FAM227B: variants seen among roughly 807,000 people sequenced by gnomAD.
FAM227B encodes family with sequence similarity 227 member B, also known as protein FAM227B.
FAM227B carries 88 observed loss-of-function variants against 73.8 expected under a neutral mutation model. The ratio of observed to expected loss-of-function variants is 1.19; its 90% confidence interval spans 1.00 to 1.42. The LOEUF (loss-of-function observed/expected upper bound fraction) is 1.42, where lower values mean the gene tolerates loss of function less well. FAM227B is among the 40% of genes most tolerant of loss of function. The pLI, the probability that FAM227B is intolerant of heterozygous loss-of-function variation, is 0.00. For synonymous variants in FAM227B, 210 were observed against 190.5 expected, an observed-to-expected ratio of 1.10 and a Z score of -0.84; for missense variants, 632 against 590.9, an observed-to-expected ratio of 1.07 and a Z score of -0.72.
intron 11 of FAM227B, among the ~76,000 whole-genome samples, chr15:49,434,860 TTAATA>T: frequency 6.6e-6 from 1 of 151,578 alleles, no homozygotes; most frequent in African/African-American, 2.4e-5. Context: ...TAATAATTAA[TTAATA>T]AAAAAGAGAA....
At chr15:49,574,531 T>G (rs1311458490) in intron 8 of FAM227B, among the ~76,000 whole-genome samples, 2 of 152,144 alleles carry the variant, frequency 1.3e-5, no homozygotes, top group Non-Finnish European at 2.9e-5. Flanking sequence ...CCCTTTTGCC[T>G]TCCACCATGA....
chr15:49,457,998 T>A lies in FAM227B; in HGVS notation c.1012+50213A>T, dbSNP rs1480052513. On this transcript the variant is annotated intron_variant, in intron 11 of 15. Transcript: ENST00000299338. ...TCACTTTCTTGATTGATAATATTTT[T>A]TCCCCAAAAGCACAATATTCACTTT... 3.3e-5 allele frequency among the ~76,000 whole-genome samples: 5 copies of A among 152,106 alleles called. No individual in the cohort carries two copies. The East Asian group carries it at 9.6e-4, about 29-fold the overall frequency.
intron 1 of FAM227B, among the ~76,000 whole-genome samples, chr15:49,616,874 G>GT: frequency 6.6e-6 from 1 of 152,192 alleles, no homozygotes; most frequent in East Asian, 1.9e-4. Context: ...CTGTGGTGAT[G>GT]TTTCATTTTT....
At chr15:49,548,739 A>G (rs2072332553) in intron 9 of FAM227B, among the ~76,000 whole-genome samples, 1 of 152,152 alleles carries the variant, frequency 6.6e-6, no homozygotes, top group African/African-American at 2.4e-5. Context: ...TTCCTGGTTC[A>G]ATCTTGGGAG....
At chr15:49,500,885 TG>T (rs1326063055) in intron 11 of FAM227B, among the ~76,000 whole-genome samples, 1 of 152,108 alleles carries the variant, frequency 6.6e-6, no homozygotes, top group African/African-American at 2.4e-5. Context: ...TGTTTAAAAT[TG>T]TGTGGCACCT....
In FAM227B at chr15:49,568,263, T is replaced by A. The variant is rs772964585; in HGVS notation, c.729A>T (p.Arg243=). ...TGCTTACCTGAAAAAATGCATCCTT[T>A]CGACTTAGAGGTATGCTCATGAAAA... The part of the protein sequence containing the change: ...VTLFMSIPLS[R]KDAFFQIYPD... Residue 243 remains arginine (R), a synonymous_variant, in exon 9 of 16, where the codon CGA becomes CGT. Transcript: ENST00000299338. The A allele has an allele frequency of 1.2e-6, 2 of 1,607,424 alleles. No homozygotes were observed. Among genetic ancestry groups the A allele is most frequent in the Non-Finnish European group, 1.7e-6 (2 of 1,177,472 alleles).
intron 13 of FAM227B, chr15:49,353,673 G>A (rs2042596074): frequency 6.7e-6 from 1 of 149,954 alleles, no homozygotes; most frequent in Non-Finnish European, 1.5e-5. Flanking sequence ...TGCAGTATAG[G>A]CTTTCCTATT....
chr15:49,372,148 A>C (rs1042331671), intron 11 of FAM227B, among the ~76,000 whole-genome samples: 12 of 122,250 alleles, frequency 9.8e-5, no homozygotes, highest in African/African-American at 2.8e-4. Context: ...ATTTATAAAT[A>C]AATGAAATAA....
chr15:49,535,916 A>G (rs2152247783), intron 10 of FAM227B, among the ~76,000 whole-genome samples: 1 of 151,882 alleles, frequency 6.6e-6, no homozygotes, highest in East Asian at 1.9e-4. Context: ...GTTCCTAAAC[A>G]TAATGAAGGC....
chr15:49,511,614 T>G (rs2059006024), intron 10 of FAM227B, among the ~76,000 whole-genome samples: 1 of 152,112 alleles, frequency 6.6e-6, no homozygotes, highest in Non-Finnish European at 1.5e-5. Context: ...TCCCTCCCTC[T>G]GCATCCCCAA....
chr15:49,578,469 C>CATAGATAG (rs141756297), intron 5 of FAM227B, among the ~76,000 whole-genome samples: 7,841 of 151,436 alleles, frequency 0.052, 565 homozygotes, highest in African/African-American at 0.15. Context: ...TATAGACAGA[C>CATAGATAG]ATAGATAGAT....
chr15:49,424,339 C>G (rs1157623124), intron 11 of FAM227B: 4 of 1,613,588 alleles, frequency 2.5e-6, no homozygotes, highest in Non-Finnish European at 3.4e-6. Context: ...CAACTTTGCT[C>G]TACAGATCAT....
At chr15:49,510,358 A>G (rs952598240) in intron 10 of FAM227B, among the ~76,000 whole-genome samples, 1 of 152,126 alleles carries the variant, frequency 6.6e-6, no homozygotes, top group African/African-American at 2.4e-5. Flanking sequence ...TTAAAAATGA[A>G]TCTGCTATAC....
chr15:49,615,466 T>A (rs1171424946), intron 1 of FAM227B, among the ~76,000 whole-genome samples: 1 of 152,070 alleles, frequency 6.6e-6, no homozygotes, highest in African/African-American at 2.4e-5. Context: ...TTTTGCAACA[T>A]CCCCCTAGTG....
chr15:49,405,705 C>G (rs2048464918), intron 11 of FAM227B, among the ~76,000 whole-genome samples: 1 of 152,178 alleles, frequency 6.6e-6, no homozygotes, highest in Non-Finnish European at 1.5e-5. Context: ...TCCTGCATCT[C>G]AATGATCTTC....
chr15:49,564,581 A>G (rs71467692), intron 9 of FAM227B, among the ~76,000 whole-genome samples: 7,964 of 152,216 alleles, frequency 0.052, 360 homozygotes, highest in East Asian at 0.23. Context: ...AAGACATGGA[A>G]TCAACCTAAC....
At chr15:49,369,914 A>G (rs2045695340) in intron 12 of FAM227B, among the ~76,000 whole-genome samples, 3 of 152,194 alleles carry the variant, frequency 2.0e-5, no homozygotes, top group Admixed American at 1.3e-4. Context: ...CTGAAGCAAT[A>G]TGATTTCAGA....
chr15:49,351,612 G>A (rs1305944048), intron 13 of FAM227B, among the ~76,000 whole-genome samples: 2 of 152,164 alleles, frequency 1.3e-5, no homozygotes, highest in African/African-American at 2.4e-5. Context: ...TCCGGAAAGC[G>A]GACCTAAAGA....
rs931465908 is a variant in FAM227B at position 49,358,341 on chromosome 15, T to C, written c.1271+9107A>G. Among the ~76,000 whole-genome samples, 69 of 118,214 alleles carry C rather than the reference T, an allele frequency of 5.8e-4. 13 individuals are homozygous for C. The highest frequency in any genetic ancestry group is 2.0e-3 in the African/African-American group (62 of 30,534). 77.6% of individuals were successfully genotyped at this position (118,214 alleles called of 152,430 possible). On this transcript the variant is annotated intron_variant, in intron 13 of 15. Transcript: ENST00000299338. The stretch of plus-strand genomic sequence containing the variant: ...ATGATTGTGTATGTAGAAAACCCCA[T>C]TGTCTCAGCCCAAAATCTCCTTAAG...
Sources: allele counts gnomAD v4.1 joint callset (sites outside exome capture counted in the v4.1 genomes callset), GRCh38; gene constraint gnomAD v4.1.1; transcripts MANE v1.5; gene names NCBI Gene and HGNC (gene_info 2026-07-23, HGNC 2026-07-21).